The following MAOB variants were observed in gnomAD, a reference collection of about 807,000 sequenced individuals.
MAOB encodes the protein amine oxidase [flavin-containing] B.
Under a neutral mutation model 41.9 loss-of-function variants are expected in MAOB, and 15 were observed. The observed-to-expected ratio is 0.36, with a 90% CI of 0.24 to 0.55. MAOB has a LOEUF of 0.55. Ranked by LOEUF, MAOB falls within the 20% of genes least tolerant of loss-of-function variation. The pLI, the probability that MAOB is intolerant of heterozygous loss-of-function variation, is 0.86. For synonymous variants in MAOB, 167 were observed against 144.2 expected, an observed-to-expected ratio of 1.16 and a Z score of -1.13; for missense variants, 345 against 398.7, an observed-to-expected ratio of 0.87 and a Z score of 1.15.
At chrX:43,854,669 A>G (rs995300359) in intron 1 of MAOB, among the ~76,000 whole-genome samples, 1 of 111,902 alleles carries the variant, frequency 8.9e-6, no homozygotes, top group Non-Finnish European at 1.9e-5. Context: ...CCCAGAACTT[A>G]AAGTAAAATA....
At chrX:43,794,013 A>G (rs1441218114) in intron 7 of MAOB, among the ~76,000 whole-genome samples, 1 of 111,955 alleles carries the variant, frequency 8.9e-6, no homozygotes, top group East Asian at 2.8e-4. Flanking sequence ...AGTAGCTGGG[A>G]CTACAGGTGT....
At chrX:43,807,516 T>TA (rs1217897130) in intron 3 of MAOB, among the ~76,000 whole-genome samples, 1 of 112,408 alleles carries the variant, frequency 8.9e-6, no homozygotes, top group African/African-American at 3.2e-5. Flanking sequence ...CACTGGGCCC[T>TA]ACGCTGCAAG....
In MAOB at chrX:43,802,091, T is replaced by C. The variant is rs111825556; in HGVS notation, c.476+81A>G. Reference sequence around the variant, plus strand: ...GTTTTAGACACAAAGCAGCTACTTGTCCCATACTTGTTGAACGGTATTGCT... The same window carrying C: ...GTTTTAGACACAAAGCAGCTACTTGCCCCATACTTGTTGAACGGTATTGCT... On this transcript the variant is annotated intron_variant, in intron 5 of 14. Transcript: ENST00000378069. The C allele has an allele frequency of 7.2e-5, 56 of 778,777 alleles. 1 individual carries two copies. The highest frequency in any genetic ancestry group is 6.0e-4 in the African/African-American group (29 of 48,673). 64.2% of individuals were successfully genotyped at this position (778,777 alleles called of 1,213,427 possible).
chrX:43,807,654 T>C (rs764873032), intron 3 of MAOB, among the ~76,000 whole-genome samples: 1 of 112,644 alleles, frequency 8.9e-6, no homozygotes, highest in South Asian at 3.7e-4. Context: ...GTAACTGTCT[T>C]GGAGGCATGT....
intron 1 of MAOB, among the ~76,000 whole-genome samples, chrX:43,858,159 C>T (rs2147175198): frequency 9.0e-6 from 1 of 111,571 alleles, no homozygotes; most frequent in Non-Finnish European, 1.9e-5. Context: ...GAAATTCCTC[C>T]CTCCTGTATG....
intron 5 of MAOB, 79 bp downstream of exon 5, chrX:43,802,093 C>G: frequency 1.3e-6 from 1 of 795,436 alleles, no homozygotes; most frequent in Non-Finnish European, 1.9e-6. Context: ...GCTACTTGTC[C>G]CATACTTGTT....
At chrX:43,797,407 A>T in intron 5 of MAOB, 141 bp from the exon 6 acceptor site, 1 of 401,310 alleles carries the variant, frequency 2.5e-6, no homozygotes, top group Non-Finnish European at 3.9e-6. Flanking sequence ...CTAGAATCTA[A>T]TATTACAAAA....
In MAOB at chrX:43,795,784, T is replaced by G; in HGVS notation, c.723A>C (p.Thr241=). Residue 241 remains threonine (T), a synonymous_variant, in exon 7 of 15, where the codon ACA becomes ACC. Transcript: ENST00000378069. The stretch of plus-strand genomic sequence containing the variant: ...GGGTCTCCACAAGGACATTTTCTCT[T>G]GTCTGGTCAATGTAGATCACAGGCC... ...LERPVIYIDQ[T]RENVLVETLN... 1 of 1,210,953 alleles carries G rather than the reference T, an allele frequency of 8.3e-7. No homozygotes were observed. Among genetic ancestry groups the G allele is most frequent in the Non-Finnish European group, 1.1e-6 (1 of 894,735 alleles).
At chrX:43,834,532 G>C (rs1214744741) in intron 3 of MAOB, among the ~76,000 whole-genome samples, 2 of 112,021 alleles carry the variant, frequency 1.8e-5, no homozygotes, top group African/African-American at 6.5e-5. Context: ...TTTAGACAGA[G>C]AGATTAACTG....
At chrX:43,780,488 G>T in intron 9 of MAOB, 93 bp from the exon 10 acceptor site, 1 of 570,687 alleles carries the variant, frequency 1.8e-6, no homozygotes, top group Non-Finnish European at 2.8e-6. Context: ...AGTTTACACA[G>T]TTAAGTCAAC....
chrX:43,777,563 G>A (rs2034275409), intron 11 of MAOB, among the ~76,000 whole-genome samples: 1 of 111,428 alleles, frequency 9.0e-6, no homozygotes, highest in African/African-American at 3.3e-5. Flanking sequence ...TTAAAATAGT[G>A]AACAAAAATG....
intron 3 of MAOB, among the ~76,000 whole-genome samples, chrX:43,809,972 G>A (rs1334703085): frequency 9.8e-6 from 1 of 101,734 alleles, no homozygotes; most frequent in Non-Finnish European, 1.9e-5. Flanking sequence ...GGCCGGGCGC[G>A]GTGGCTCACG....
intron 8 of MAOB, among the ~76,000 whole-genome samples, chrX:43,782,599 C>A (rs1470212963): frequency 9.0e-6 from 1 of 111,654 alleles, no homozygotes; most frequent in African/African-American, 3.3e-5. Flanking sequence ...TGAAACTATT[C>A]CAAGCAATAG....
intron 7 of MAOB, among the ~76,000 whole-genome samples, chrX:43,794,097 G>A (rs1223881719): frequency 1.8e-5 from 2 of 111,480 alleles, no homozygotes; most frequent in Non-Finnish European, 3.8e-5. Context: ...GGGTTGTCTC[G>A]ATCTTTCGAC....
chrX:43,795,676 TA>T, intron 7 of MAOB, 62 bp downstream of exon 7: 1 of 996,873 alleles, frequency 1.0e-6, no homozygotes, highest in Non-Finnish European at 1.4e-6. Flanking sequence ...TAAGAATTTT[TA>T]AAGTTGTATG....
At chrX:43,788,037 G>A (rs1210361413) in intron 8 of MAOB, among the ~76,000 whole-genome samples, 1 of 111,257 alleles carries the variant, frequency 9.0e-6, no homozygotes, top group Admixed American at 9.6e-5. Context: ...ATATTTACTT[G>A]GCTCATGGTT....
chrX:43,875,927 A>G (rs952172191), intron 1 of MAOB, among the ~76,000 whole-genome samples: 1 of 111,314 alleles, frequency 9.0e-6, no homozygotes, highest in Non-Finnish European at 1.9e-5. Flanking sequence ...AGAAGGATAA[A>G]TTGAAGAATT....
At chrX:43,878,093 A>G (rs960267131) in intron 1 of MAOB, among the ~76,000 whole-genome samples, 2 of 111,985 alleles carry the variant, frequency 1.8e-5, no homozygotes, top group Admixed American at 9.5e-5. Context: ...CCAATCCTTG[A>G]AACAAGCCGG....
chrX:43,857,102 T>A, intron 1 of MAOB, among the ~76,000 whole-genome samples: 1 of 23,777 alleles, frequency 4.2e-5, no homozygotes, highest in Admixed American at 7.1e-4. Flanking sequence ...TATATATATA[T>A]ATATATATAT....
Sources: allele counts gnomAD v4.1 joint callset (sites outside exome capture counted in the v4.1 genomes callset), GRCh38; gene constraint gnomAD v4.1.1; transcripts MANE v1.5; gene names NCBI Gene and HGNC (gene_info 2026-07-23, HGNC 2026-07-21).